TNS1: variants seen among roughly 807,000 people sequenced by gnomAD.
TNS1 encodes tensin 1.
A neutral mutation model predicts 168.6 loss-of-function variants in TNS1; 62 were observed. That is an observed-to-expected ratio of 0.37 (90% CI 0.30 to 0.45). TNS1 has a LOEUF of 0.45. Among genes scored for constraint, TNS1 ranks in the 20% least tolerant of loss-of-function variants. The pLI is 1.00. For synonymous variants in TNS1, 934 were observed against 933.2 expected (o/e 1.00, Z -0.02); for missense variants, 2,240 against 2,339.4 (o/e 0.96, Z 0.88).
intron 3 of TNS1, among the ~76,000 whole-genome samples, chr2:217,952,292 C>G (rs1205120780): frequency 2.0e-5 from 3 of 152,222 alleles, no homozygotes; most frequent in African/African-American, 7.2e-5. Context: ...TGAGAGAGCT[C>G]AGACGCAAGA....
intron 3 of TNS1, among the ~76,000 whole-genome samples, chr2:217,949,875 G>C (rs903953395): frequency 1.3e-5 from 2 of 152,142 alleles, no homozygotes; most frequent in African/African-American, 4.8e-5. Flanking sequence ...CCAAAACAAG[G>C]GTTCCAAAGC....
intron 16 of TNS1, among the ~76,000 whole-genome samples, chr2:217,883,253 G>A (rs1230146935): frequency 6.6e-6 from 1 of 152,084 alleles, no homozygotes; most frequent in African/African-American, 2.4e-5. Flanking sequence ...AAATAAGATA[G>A]TTAAGCCTCT....
chr2:217,841,152 T>TG lies in TNS1; in HGVS notation c.3008-4942dup, dbSNP rs1485571446. 3 of 901,320 alleles carry TG rather than the reference T, an allele frequency of 3.3e-6. No individual in the cohort carries two copies. In the African/African-American group the frequency reaches 5.6e-5, roughly 17 times the overall value. 55.8% of individuals were successfully genotyped at this position (901,320 alleles called of 1,614,324 possible). A position where few individuals can be genotyped will look rare whatever the true frequency, so the allele number is the denominator to read the frequency against. ...GTGAAAAGAAACTGATGCTCAAAAG[T>TG]GGGCCAAAGAGCTGGAAAGGGAGAA... On this transcript the variant is annotated intron_variant, in intron 19 of 32. Coordinates refer to ENST00000682258, the MANE Select transcript of TNS1 (RefSeq NM_001387777.1).
chr2:217,809,978 G>A lies in TNS1; in HGVS notation c.5118C>T (p.Leu1706=). 6.2e-7 allele frequency: 1 copy of A among 1,611,872 alleles called. No individual in the cohort carries two copies. The highest frequency in any genetic ancestry group is 8.5e-7 in the Non-Finnish European group (1 of 1,178,366). Residue 1706 remains leucine, a synonymous_variant, in exon 30 of 33, where the codon CTC becomes CTT. Coordinates refer to ENST00000682258, the MANE Select transcript of TNS1 (RefSeq NM_001387777.1). ...ACTCCATGTCCACAGAGTTGACGAAGAGCACATTGCAGGCTGGAAGAAACC... is the reference window on the plus strand; with the variant it reads ...ACTCCATGTCCACAGAGTTGACGAAAAGCACATTGCAGGCTGGAAGAAACC... The part of the protein sequence containing the change: ...LLKQGAACNV[L]FVNSVDMESL...
Position 218,032,037 on chromosome 2 carries a change from G to T in TNS1, c.156+1783C>A, listed in dbSNP as rs1028214729. On this transcript the variant is annotated intron_variant, in intron 1 of 1. Transcript: ENST00000649572. The surrounding 1 kb of genome is among the most constrained non-coding windows in gnomAD (Gnocchi z 4.0). Reference sequence around the variant, plus strand: ...CGCCAGGCCCCTTGGCACCCAGAAGGCTTGGCTGGAGGACTCAGGAGGGTG... The same window carrying T: ...CGCCAGGCCCCTTGGCACCCAGAAGTCTTGGCTGGAGGACTCAGGAGGGTG... Among the ~76,000 whole-genome samples the T allele has an allele frequency of 2.6e-5, 4 of 152,242 alleles. No homozygotes were observed. Among genetic ancestry groups the T allele is most frequent in the African/African-American group, 7.2e-5 (3 of 41,466 alleles).
chr2:217,841,127 G>A, intron 19 of TNS1: 1 of 708,384 alleles, frequency 1.4e-6, no homozygotes, highest in African/African-American at 1.9e-5. Flanking sequence ...TGAAGAAGGA[G>A]TGAAAAGAAA....
At chr2:217,918,097 C>T (rs13022785) in intron 4 of TNS1, among the ~76,000 whole-genome samples, 87,049 of 152,024 alleles carry the variant, frequency 0.57, 25,477 homozygotes, top group East Asian at 0.65. Flanking sequence ...CTTGGGCCAA[C>T]GGAAGAACCT....
At chr2:217,897,750 T>C (rs1316391594) in intron 8 of TNS1, 48 bp downstream of exon 8, 1 of 1,513,898 alleles carries the variant, frequency 6.6e-7, no homozygotes, top group Non-Finnish European at 8.9e-7. Context: ...GGTGAGCAGA[T>C]GGAAGCATAG....
chr2:218,004,832 C>A (rs1408977202), upstream of TNS1, among the ~76,000 whole-genome samples: 1 of 152,234 alleles, frequency 6.6e-6, no homozygotes, highest in African/African-American at 2.4e-5. Context: ...CTCTGGACCC[C>A]CTACTCTAAG....
At chr2:218,022,488 G>A (rs1020248864) in intron 1 of TNS1, among the ~76,000 whole-genome samples, 5 of 152,100 alleles carry the variant, frequency 3.3e-5, no homozygotes, top group Admixed American at 6.5e-5. Context: ...ACGCACACAC[G>A]CACGTACACA....
intron 9 of TNS1, among the ~76,000 whole-genome samples, chr2:217,894,517 C>A (rs1333425171): frequency 6.6e-6 from 1 of 152,144 alleles, no homozygotes; most frequent in African/African-American, 2.4e-5. Flanking sequence ...ATTAGCCAGG[C>A]ATGGTAGCAC....
chr2:217,938,229 C>T (rs932427093), intron 3 of TNS1, among the ~76,000 whole-genome samples: 3 of 152,214 alleles, frequency 2.0e-5, no homozygotes, highest in South Asian at 2.1e-4. Flanking sequence ...AGTTCACCCC[C>T]GACCCAGAGC....
chr2:217,852,853 G>A (rs1431335430), intron 18 of TNS1, among the ~76,000 whole-genome samples: 1 of 152,162 alleles, frequency 6.6e-6, no homozygotes, highest in Non-Finnish European at 1.5e-5. Context: ...ACTACAAATG[G>A]AAATGTCTCT....
chr2:218,010,537 C>A (rs1375368425), upstream of TNS1: 2 of 183,946 alleles, frequency 1.1e-5, no homozygotes, highest in Non-Finnish European at 2.2e-5. Flanking sequence ...TCCTGCTTCC[C>A]GGGCGCGCTG....
intron 1 of TNS1, among the ~76,000 whole-genome samples, chr2:218,019,308 G>A (rs1453159340): frequency 3.9e-5 from 6 of 152,188 alleles, no homozygotes; most frequent in Admixed American, 2.6e-4. Flanking sequence ...CTGACCATTC[G>A]TGGACACCAA....
chr2:217,900,582 G>C (rs1340197275), intron 6 of TNS1, 70 bp from the exon 7 acceptor site: 1 of 1,434,354 alleles, frequency 7.0e-7, no homozygotes, highest in Non-Finnish European at 9.5e-7. Flanking sequence ...ACACCAGAGA[G>C]CTGTCCACGG....
intron 1 of TNS1, among the ~76,000 whole-genome samples, chr2:218,008,305 C>A (rs934492987): frequency 2.6e-5 from 4 of 152,240 alleles, no homozygotes; most frequent in African/African-American, 7.2e-5. Flanking sequence ...TGCTCATCCA[C>A]CCCCGACCCC....
chr2:217,853,158 G>A (rs774494354), intron 18 of TNS1, among the ~76,000 whole-genome samples: 4 of 152,090 alleles, frequency 2.6e-5, no homozygotes, highest in South Asian at 2.1e-4. Flanking sequence ...ACAAGAAGCC[G>A]GAACACAATG....
In TNS1 at chr2:217,829,284, C is replaced by T. The variant is rs192340685; in HGVS notation, c.3373+2171G>A. On this transcript the variant is annotated intron_variant, in intron 22 of 32. Coordinates refer to ENST00000682258, the MANE Select transcript of TNS1 (RefSeq NM_001387777.1). ...CCTGTAATCCCAGCTACTCAGGGGGCTGAGGCAGGAGAATTGCTTGAACCT... is the reference window on the plus strand; with the variant it reads ...CCTGTAATCCCAGCTACTCAGGGGGTTGAGGCAGGAGAATTGCTTGAACCT... 1.3e-3 allele frequency among the ~76,000 whole-genome samples: 204 copies of T among 152,010 alleles called. 1 individual carries two copies. Among genetic ancestry groups the T allele is most frequent in the Middle Eastern group, 6.8e-3 (2 of 292 alleles).
Sources: allele counts gnomAD v4.1 joint callset (sites outside exome capture counted in the v4.1 genomes callset), GRCh38; gene constraint gnomAD v4.1.1; non-coding constraint Gnocchi (gnomAD v3.1); transcripts MANE v1.5; gene names NCBI Gene and HGNC (gene_info 2026-07-23, HGNC 2026-07-21).